The following CXCL13 variants were observed in gnomAD, a reference collection of about 807,000 sequenced individuals.
CXCL13 encodes the protein C-X-C motif chemokine ligand 13.
Under a neutral mutation model 12.2 loss-of-function variants are expected in CXCL13, and 7 were observed. The observed-to-expected ratio is 0.57, with a 90% CI of 0.33 to 1.07. The LOEUF is 1.07. Ranked by LOEUF, CXCL13 falls within the 50% of genes least tolerant of loss-of-function variation. CXCL13 has a pLI of 0.04. For missense variants in CXCL13, 113 were observed against 127.4 expected (o/e 0.89, Z 0.55); for synonymous variants, 47 against 42.4 (o/e 1.11, Z -0.42).
At chr4:77,540,430 T>C (rs1229600740) in intron 1 of CXCL13, among the ~76,000 whole-genome samples, 1 of 152,130 alleles carries the variant, frequency 6.6e-6, no homozygotes, top group Non-Finnish European at 1.5e-5. Context: ...TCCTCCTTCC[T>C]CTAGTACTCC....
At chr4:77,592,724 AT>A (rs1294397772) in intron 1 of CXCL13, among the ~76,000 whole-genome samples, 2 of 152,220 alleles carry the variant, frequency 1.3e-5, no homozygotes, top group East Asian at 3.8e-4. Flanking sequence ...TGCCAAGATC[AT>A]GCCACAGGGG....
chr4:77,599,162 T>G (rs891682418), intron 1 of CXCL13, among the ~76,000 whole-genome samples: 1 of 151,974 alleles, frequency 6.6e-6, no homozygotes, highest in Non-Finnish European at 1.5e-5. Context: ...GGAGTAGAGC[T>G]AGAGGAAAAA....
chr4:77,556,947 T>G lies in CXCL13; in HGVS notation c.-43+45159T>G, dbSNP rs554295383. ...GAGGAAGATCACTTAAGCCCAGGAG[T>G]TCGAGGCTGCAGTGATTTATGATCG... On this transcript the variant is annotated intron_variant, in intron 1 of 4. Transcript: ENST00000286758. 8.6e-5 allele frequency among the ~76,000 whole-genome samples: 13 copies of G among 152,002 alleles called. 1 individual carries two copies. In the South Asian group the frequency reaches 2.3e-3, roughly 27 times the overall value.
chr4:77,590,270 C>T (rs1726574131), intron 1 of CXCL13, among the ~76,000 whole-genome samples: 1 of 152,100 alleles, frequency 6.6e-6, no homozygotes, highest in Non-Finnish European at 1.5e-5. Context: ...AACCAGTTTC[C>T]ATAGGAGGAA....
chr4:77,542,007 C>T (rs1172343671), intron 1 of CXCL13, among the ~76,000 whole-genome samples: 3 of 151,990 alleles, frequency 2.0e-5, no homozygotes, highest in African/African-American at 4.8e-5. Context: ...TGGTTCTCAG[C>T]TTGAATACTA....
At chr4:77,546,529 TTG>T (rs1410329290) in intron 1 of CXCL13, among the ~76,000 whole-genome samples, 17 of 152,326 alleles carry the variant, frequency 1.1e-4, no homozygotes, top group African/African-American at 4.1e-4. Context: ...TCTAGTTTAT[TTG>T]TGTAGAGTTG....
At chr4:77,543,784 CATGT>C (rs1419428967) in intron 1 of CXCL13, among the ~76,000 whole-genome samples, 1 of 152,024 alleles carries the variant, frequency 6.6e-6, no homozygotes, top group African/African-American at 2.4e-5. Context: ...TTCTAGGGCA[CATGT>C]GCACAATGTG....
At chr4:77,512,205 T>G (rs1174129419) in intron 1 of CXCL13, among the ~76,000 whole-genome samples, 2 of 152,248 alleles carry the variant, frequency 1.3e-5, no homozygotes, top group Admixed American at 1.3e-4. Flanking sequence ...ATTCTTGTTT[T>G]CTCATTAGAT....
chr4:77,517,830 G>GA (rs1325351970), intron 1 of CXCL13, among the ~76,000 whole-genome samples: 4 of 152,176 alleles, frequency 2.6e-5, no homozygotes, highest in Non-Finnish European at 5.9e-5. Flanking sequence ...ATTGTTATGT[G>GA]TGAATTTGAA....
chr4:77,576,376 G>T (rs978354812), intron 1 of CXCL13, among the ~76,000 whole-genome samples: 1 of 152,128 alleles, frequency 6.6e-6, no homozygotes, highest in Non-Finnish European at 1.5e-5. Context: ...AAAATTTGGG[G>T]CATATTTGTC....
At chr4:77,577,660 A>G (rs989981277) in intron 1 of CXCL13, among the ~76,000 whole-genome samples, 1 of 152,178 alleles carries the variant, frequency 6.6e-6, no homozygotes, top group African/African-American at 2.4e-5. Context: ...CATTAATATG[A>G]GTGAAAGCCA....
intron 1 of CXCL13, among the ~76,000 whole-genome samples, chr4:77,563,147 G>T (rs747831561): frequency 2.6e-5 from 4 of 152,044 alleles, no homozygotes; most frequent in East Asian, 1.9e-4. Flanking sequence ...CTCCAAACAC[G>T]TCAGAACATC....
At chr4:77,546,570 A>T (rs1271276235) in intron 1 of CXCL13, among the ~76,000 whole-genome samples, 1 of 152,028 alleles carries the variant, frequency 6.6e-6, no homozygotes, top group Non-Finnish European at 1.5e-5. Flanking sequence ...GGTAGTTTGT[A>T]TTTCTGTGGG....
intron 1 of CXCL13, among the ~76,000 whole-genome samples, chr4:77,531,020 A>C (rs555090066): frequency 7.2e-4 from 109 of 151,118 alleles, no homozygotes; most frequent in Non-Finnish European, 4.9e-4. Context: ...TTCTGCCTTC[A>C]TTTCGTTATG....
At position 77,610,658 on chromosome 4, in the gene CXCL13, C is replaced by G; in HGVS notation, c.242C>G (p.Ala81Gly). 1 of 1,613,406 alleles carries G rather than the reference C, an allele frequency of 6.2e-7. No homozygotes were observed. Among genetic ancestry groups the G allele is most frequent in the Non-Finnish European group, 8.5e-7 (1 of 1,179,348 alleles). ...NKSIVCVDPQAEWIQRMMEVL... is the reference protein window; with the variant it reads ...NKSIVCVDPQGEWIQRMMEVL... ...TCAATTGTGTGTGTGGACCCTCAAG[C>G]TGAATGGATACAAAGAATGATGGAA... is the stretch of plus-strand genomic sequence containing the variant. Residue 81 changes from alanine to glycine, a missense_variant, in exon 3 of 4, where the codon GCT becomes GGT. Coordinates refer to ENST00000682537, the MANE Select transcript of CXCL13 (RefSeq NM_001371558.1).
chr4:77,609,284 GT>G (rs1410966217), intron 2 of CXCL13, among the ~76,000 whole-genome samples: 4 of 150,194 alleles, frequency 2.7e-5, no homozygotes, highest in Non-Finnish European at 3.0e-5. Context: ...GTTTGTTTCT[GT>G]TTTTTGTGTT....
At chr4:77,541,245 C>T (rs925558423) in intron 1 of CXCL13, among the ~76,000 whole-genome samples, 4 of 152,084 alleles carry the variant, frequency 2.6e-5, no homozygotes, top group African/African-American at 7.2e-5. Context: ...TGTGCAGAAG[C>T]TCTTTAGTTC....
At chr4:77,566,744 C>T (rs1442244106) in intron 1 of CXCL13, among the ~76,000 whole-genome samples, 3 of 152,160 alleles carry the variant, frequency 2.0e-5, no homozygotes, top group Admixed American at 6.5e-5. Flanking sequence ...TCCTAAATTA[C>T]CCTCTTTATA....
chr4:77,578,083 C>G (rs1827264), intron 1 of CXCL13, among the ~76,000 whole-genome samples: 65,884 of 151,918 alleles, frequency 0.43, 14,445 homozygotes, highest in South Asian at 0.48. Context: ...AGACTGACAT[C>G]CTGGCAAAAG....
Sources: gnomAD v4.1 joint callset for allele counts (sites outside exome capture counted in the v4.1 genomes callset) on GRCh38, gnomAD v4.1.1 for gene constraint, MANE v1.5 for transcripts, NCBI Gene and HGNC (gene_info 2026-07-23, HGNC 2026-07-21) for gene names.